NOTCH2: variants seen among roughly 807,000 people sequenced by gnomAD.
NOTCH2 encodes neurogenic locus notch homolog protein 2.
Under a neutral mutation model 235.8 loss-of-function variants are expected in NOTCH2, and 29 were observed. The ratio of observed to expected loss-of-function variants is 0.12; its 90% CI spans 0.09 to 0.17. NOTCH2 has a LOEUF of 0.17. Ranked by LOEUF, NOTCH2 falls within the 10% of genes least tolerant of loss-of-function variation. The pLI is 1.00. For missense variants in NOTCH2, 2,285 were observed against 3,150.2 expected (o/e 0.73, Z 6.57); for synonymous variants, 1,086 against 1,141.5 (o/e 0.95, Z 0.98).
intron 3 of NOTCH2, among the ~76,000 whole-genome samples, chr1:119,998,620 C>T (rs587626973): frequency 6.6e-6 from 1 of 151,810 alleles, no homozygotes; most frequent in South Asian, 2.1e-4. Flanking sequence ...ACATGGCTGG[C>T]TTTTTGTTGT....
chr1:119,954,585 G>A (rs1650609207), intron 13 of NOTCH2, among the ~76,000 whole-genome samples: 1 of 152,156 alleles, frequency 6.6e-6, no homozygotes, highest in African/African-American at 2.4e-5. Context: ...AATTGCAAAT[G>A]TTTTATCAGG....
In NOTCH2 at chr1:119,919,555, A is replaced by T. The variant is rs1649200058; in HGVS notation, c.5538T>A (p.Asp1846Glu). 1 of 1,614,190 alleles carries T rather than the reference A, an allele frequency of 6.2e-7. No individual in the cohort carries two copies. Among genetic ancestry groups the T allele is most frequent in the South Asian group, 1.1e-5 (1 of 91,076 alleles). ...SLRGGSSDLSDEDEDAEDSSA... is the reference protein window; with the variant it reads ...SLRGGSSDLSEEDEDAEDSSA... ...AAGAGTCCTCTGCATCTTCATCTTCATCACTCAAATCTGAGCTGCCTCCTC... is the reference window on the plus strand; with the variant it reads ...AAGAGTCCTCTGCATCTTCATCTTCTTCACTCAAATCTGAGCTGCCTCCTC... Residue 1846 changes from aspartate (D) to glutamate (E), a missense_variant, in exon 31 of 34, where the codon GAT becomes GAA. By Grantham distance (45) the Asp-to-Glu change is conservative. Coordinates refer to ENST00000256646, the MANE Select transcript of NOTCH2 (RefSeq NM_024408.4).
intron 17 of NOTCH2, among the ~76,000 whole-genome samples, chr1:119,942,570 G>A (rs1650098682): frequency 6.6e-6 from 1 of 152,104 alleles, no homozygotes; most frequent in African/African-American, 2.4e-5. Flanking sequence ...CTCTATTAAA[G>A]CAATTGTAAA....
rs962650117 is a variant in NOTCH2, at chr1:119,948,627, C to T, written c.2600-61G>A. 1.8e-5 allele frequency: 29 copies of T among 1,594,744 alleles called. No homozygotes were observed. The African/African-American group carries it at 2.5e-4, about 14-fold the overall frequency. On this transcript the variant is annotated intron_variant, in intron 16 of 33. Coordinates refer to ENST00000256646, the MANE Select transcript of NOTCH2 (RefSeq NM_024408.4). ...GGAAGCTGATTCCCACAAAAATCTA[C>T]GCAGGACCTGAGCTTAGTTGGGGTG...
At position 119,913,835 on chromosome 1, in the gene NOTCH2, G is replaced by T. The variant is rs191970979; in HGVS notation, c.*1471C>A. The T allele has an allele frequency of 4.3e-6, 1 of 233,052 alleles. No homozygotes were observed. Among genetic ancestry groups the T allele is most frequent in the East Asian group, 6.0e-5 (1 of 16,538 alleles). The allele number at this position is 233,052 out of a possible 1,614,324, so 14.4% of individuals were successfully genotyped here. On this transcript the variant is annotated 3_prime_UTR_variant, in exon 34 of 34. Transcript: ENST00000256646. ...GGAAAAGAAATGGTAGCAGAAAATA[G>T]CAAAGGCTGCTATATAGTTCCTCCT... is the stretch of plus-strand genomic sequence containing the variant.
chr1:120,024,113 AT>A (rs1366293350), intron 2 of NOTCH2, among the ~76,000 whole-genome samples: 1 of 145,676 alleles, frequency 6.9e-6, no homozygotes, highest in Non-Finnish European at 1.5e-5. Flanking sequence ...TTCTGCTATC[AT>A]TTTCCAGAAA....
intron 24 of NOTCH2, 66 bp downstream of exon 24, chr1:119,926,433 C>T (rs1413217058): frequency 2.1e-5 from 25 of 1,202,014 alleles, no homozygotes; most frequent in African/African-American, 3.0e-5. Context: ...GGTTTAATCT[C>T]AGTTCTGTTC....
chr1:119,947,777 T>C (rs1650316011), intron 17 of NOTCH2, among the ~76,000 whole-genome samples: 1 of 152,194 alleles, frequency 6.6e-6, no homozygotes, highest in South Asian at 2.1e-4. Flanking sequence ...CTGTAATATG[T>C]CCATACAATG....
chr1:119,981,282 T>C (rs1040627635), intron 5 of NOTCH2, among the ~76,000 whole-genome samples: 1 of 152,212 alleles, frequency 6.6e-6, no homozygotes, highest in Non-Finnish European at 1.5e-5. Flanking sequence ...CCCACCATTG[T>C]TTCTTTCAAA....
At chr1:119,954,384 A>G (rs2101123424) in intron 13 of NOTCH2, among the ~76,000 whole-genome samples, 1 of 152,306 alleles carries the variant, frequency 6.6e-6, no homozygotes, top group Non-Finnish European at 1.5e-5. Flanking sequence ...TTAATTTTTA[A>G]ATAACTTTAT....
At chr1:119,982,108 C>A (rs927380036) in intron 5 of NOTCH2, among the ~76,000 whole-genome samples, 9 of 152,142 alleles carry the variant, frequency 5.9e-5, no homozygotes, top group Non-Finnish European at 2.9e-5. Flanking sequence ...CCACCTCTGG[C>A]AAATGTACTT....
In NOTCH2 at chr1:119,968,297, C is replaced by T. The variant is rs1651224503; in HGVS notation, c.1109-65G>A. Reference sequence around the variant, plus strand: ...TCTCTCACTTGGGGAAGAGCTTTCTCTTTCACCCAGGAGGGAAAACCTCAT... The same window carrying T: ...TCTCTCACTTGGGGAAGAGCTTTCTTTTTCACCCAGGAGGGAAAACCTCAT... On this transcript the variant is annotated intron_variant, in intron 6 of 33. Transcript: ENST00000256646. 6 of 1,536,850 alleles carry T rather than the reference C, an allele frequency of 3.9e-6. No individual in the cohort carries two copies. In the South Asian group the frequency reaches 4.6e-5, roughly 12 times the overall value.
chr1:119,941,574 C>T lies in NOTCH2; in HGVS notation c.2933G>A (p.Gly978Glu). 1 of 1,614,212 alleles carries T rather than the reference C, an allele frequency of 6.2e-7. No individual in the cohort carries two copies. The highest frequency in any genetic ancestry group is 8.5e-7 in the Non-Finnish European group (1 of 1,180,036). ...GTTCTCACAATGGACTCCATCAAAT[C>T]CTGCCTGGCACTTGCAAGTGTAACT... Reference protein sequence around the residue: ...VNSYTCKCQAGFDGVHCENNI... With the variant: ...VNSYTCKCQAEFDGVHCENNI... Residue 978 changes from glycine to glutamate, a missense_variant, in exon 18 of 34, where the codon GGA (glycine) becomes GAA (glutamate). Physicochemically the swap from Gly to Glu is moderately conservative, Grantham distance 98. Around this residue, in one of 6 missense-constraint regions of NOTCH2, gnomAD observed 1,173 missense variants for 1,515.3 expected, o/e 0.77. Transcript: ENST00000256646.
chr1:120,066,320 T>C (rs1487060930), intron 1 of NOTCH2, among the ~76,000 whole-genome samples: 1 of 149,072 alleles, frequency 6.7e-6, no homozygotes, highest in Admixed American at 6.6e-5. Context: ...ACCAAGTTAC[T>C]TGTCAGAATC....
chr1:119,996,966 C>A, intron 4 of NOTCH2, 31 bp downstream of exon 4: 1 of 1,608,476 alleles, frequency 6.2e-7, no homozygotes, highest in Non-Finnish European at 8.5e-7. Context: ...GGGTTTGTCC[C>A]CTAATCCTGG....
At chr1:119,975,537 T>C (rs182105665) in intron 5 of NOTCH2, among the ~76,000 whole-genome samples, 1 of 152,036 alleles carries the variant, frequency 6.6e-6, no homozygotes, top group Non-Finnish European at 1.5e-5. Flanking sequence ...TCCCAGCTAC[T>C]TGGGAGGCTG....
chr1:119,997,076 G>C lies in NOTCH2; in HGVS notation c.672C>G (p.Pro224=). ...TGQYCDSLYV[P]CAPSPCVNGG... is the part of the protein sequence containing the mutation. ...CATTGACACAAGGTGAGGGTGCACA[G>C]GGCACATACAGGCTGTCACAGTACT... is the stretch of plus-strand genomic sequence containing the variant. The change falls in exon 4 of 34, where the codon CCC becomes CCG. Residue 224 remains proline (P), a synonymous_variant. Coordinates refer to ENST00000256646, the MANE Select transcript of NOTCH2 (RefSeq NM_024408.4). 1 of 1,614,020 alleles carries C rather than the reference G, an allele frequency of 6.2e-7. No homozygotes were observed. The highest frequency in any genetic ancestry group is 1.3e-5 in the African/African-American group (1 of 75,072).
At chr1:119,941,333 A>G (rs1392685265) in intron 18 of NOTCH2, among the ~76,000 whole-genome samples, 193 bp downstream of exon 18, 1 of 152,144 alleles carries the variant, frequency 6.6e-6, no homozygotes, top group Admixed American at 6.5e-5. Flanking sequence ...AAACTTTGCA[A>G]CCTCTGACCT....
chr1:119,940,722 T>A lies in NOTCH2; in HGVS notation c.3016A>T (p.Ile1006Phe). Reference sequence around the variant, plus strand: ...GGGCACAAGCAAGAGAAGGAGTTAATCCCATCAACACATGTGCCACCATTG... The same window carrying A: ...GGGCACAAGCAAGAGAAGGAGTTAAACCCATCAACACATGTGCCACCATTG... ...CFNGGTCVDGINSFSCLCPVG... is the reference protein window; with the variant it reads ...CFNGGTCVDGFNSFSCLCPVG... Residue 1006 changes from isoleucine to phenylalanine, a missense_variant, in exon 19 of 34, where the codon ATT becomes TTT. Around this residue, in one of 6 missense-constraint regions of NOTCH2, gnomAD observed 1,173 missense variants for 1,515.3 expected, o/e 0.77. Coordinates refer to ENST00000256646, the MANE Select transcript of NOTCH2 (RefSeq NM_024408.4). The A allele has an allele frequency of 6.2e-7, 1 of 1,614,084 alleles. No homozygotes were observed. Among genetic ancestry groups the A allele is most frequent in the East Asian group, 2.2e-5 (1 of 44,874 alleles).
Sources: allele counts gnomAD v4.1 joint callset (sites outside exome capture counted in the v4.1 genomes callset), GRCh38; gene constraint gnomAD v4.1.1; regional missense constraint gnomAD v4.1.1; transcripts MANE v1.5; gene names NCBI Gene and HGNC (gene_info 2026-07-23, HGNC 2026-07-21).